Variants in VNN2 observed in about 807,000 individuals in gnomAD.
The protein encoded by VNN2 is pantetheine hydrolase VNN2.
Under a neutral mutation model 43.0 loss-of-function variants are expected in VNN2, and 43 were observed. The observed-to-expected ratio is 1.00, with a 90% CI of 0.78 to 1.29. The LOEUF (loss-of-function observed/expected upper bound fraction) is 1.29, where lower values mean the gene tolerates loss of function less well. Ranked by LOEUF, VNN2 falls within the 50% of genes most tolerant of loss-of-function variation. The pLI, the probability that VNN2 is intolerant of heterozygous loss-of-function variation, is 0.00. For synonymous variants in VNN2, 230 were observed against 224.3 expected, an observed-to-expected ratio of 1.03 and a Z score of -0.23; for missense variants, 652 against 619.7, an observed-to-expected ratio of 1.05 and a Z score of -0.55.
At chr6:132,758,841 A>G (rs1179924543), upstream of VNN2, among the ~76,000 whole-genome samples, 1 of 152,162 alleles carries the variant, frequency 6.6e-6, no homozygotes, top group Non-Finnish European at 1.5e-5. Flanking sequence ...CTACAGCAAC[A>G]ATACCCCGAG....
At chr6:132,757,313 A>T in intron 2 of VNN2, 103 bp downstream of exon 2, 2 of 1,381,458 alleles carry the variant, frequency 1.4e-6, no homozygotes, top group Non-Finnish European at 1.9e-6. Flanking sequence ...TAACCATAAC[A>T]TATACCACAT....
Position 132,744,362 on chromosome 6 carries a change from T to A in VNN2, c.1501A>T (p.Thr501Ser). 1 of 1,613,146 alleles carries A rather than the reference T, an allele frequency of 6.2e-7. No homozygotes were observed. Among genetic ancestry groups the A allele is most frequent in the Non-Finnish European group, 8.5e-7 (1 of 1,179,746 alleles). ...SSCGTSNSAI[T>S]YLLIFILLMI... ...AATAATATGAATATTAGCAGGTAAGTTATTGCTGAATTGCTGGTCCCACAT... is the reference window on the plus strand; with the variant it reads ...AATAATATGAATATTAGCAGGTAAGATATTGCTGAATTGCTGGTCCCACAT... The change falls in exon 7 of 7, where the codon ACT (threonine) becomes TCT (serine). Residue 501 changes from threonine to serine, a missense_variant. Coordinates refer to ENST00000326499, the MANE Select transcript of VNN2 (RefSeq NM_004665.6).
rs191217266 is a variant in VNN2 at position 132,747,068 on chromosome 6, T to C, written c.1372-2577A>G. 1.3e-3 allele frequency among the ~76,000 whole-genome samples: 199 copies of C among 152,264 alleles called. 1 individual carries two copies. Among genetic ancestry groups the C allele is most frequent in the South Asian group, 2.1e-3 (10 of 4,816 alleles). ...TCATTTCCTTCTTCTGCAAATGGTCTGGAGCAGGTAAGACAAGATCCAAAT... is the reference window on the plus strand; with the variant it reads ...TCATTTCCTTCTTCTGCAAATGGTCCGGAGCAGGTAAGACAAGATCCAAAT... On this transcript the variant is annotated intron_variant, in intron 6 of 6. Coordinates refer to ENST00000326499, the MANE Select transcript of VNN2 (RefSeq NM_004665.6).
At chr6:132,751,008 G>A (rs1039415945) in intron 5 of VNN2, 137 bp downstream of exon 5, 5 of 992,170 alleles carry the variant, frequency 5.0e-6, no homozygotes, top group East Asian at 2.4e-5. Flanking sequence ...GTGTGTGTGT[G>A]TGTTGTGTGT....
chr6:132,751,101 A>G, intron 5 of VNN2, 44 bp downstream of exon 5: 1 of 1,532,536 alleles, frequency 6.5e-7, no homozygotes, highest in Admixed American at 2.2e-5. Flanking sequence ...TTAACCTGGA[A>G]TTTACCTTTC....
chr6:132,760,708 G>A (rs902572376), upstream of VNN2: 14 of 152,014 alleles, frequency 9.2e-5, no homozygotes, highest in African/African-American at 2.9e-4. Flanking sequence ...AAGCTGATGA[G>A]GAGGAGTTAA....
At chr6:132,759,438 CAAAAAAAAAAAAA>C (rs58195059), upstream of VNN2, among the ~76,000 whole-genome samples, 1 of 69,174 alleles carries the variant, frequency 1.4e-5, no homozygotes, top group African/African-American at 4.9e-5. Flanking sequence ...AACTCCGTCT[CAAAAAAAAAAAAA>C]AAAAAAAAAA....
chr6:132,751,803 G>T lies in VNN2; in HGVS notation c.827-285C>A, dbSNP rs534461792. On this transcript the variant is annotated intron_variant, in intron 4 of 6. Transcript: ENST00000326499. ...CAACTACAAAAATCTTTGTAGTCAG[G>T]AGTTCCTGAAAGGTGGGGAAAGGGA... Among the ~76,000 whole-genome samples, 7 of 152,302 alleles carry T rather than the reference G, an allele frequency of 4.6e-5. No homozygotes were observed. In the East Asian group the frequency reaches 9.6e-4, roughly 21 times the overall value.
chr6:132,747,130 A>G (rs550780876), intron 6 of VNN2, among the ~76,000 whole-genome samples: 3 of 152,172 alleles, frequency 2.0e-5, no homozygotes, highest in Non-Finnish European at 4.4e-5. Context: ...GGTAGGTGCT[A>G]TGCCCCCTTC....
intron 1 of VNN2, among the ~76,000 whole-genome samples, chr6:132,763,035 C>A (rs1780773558): frequency 6.6e-6 from 1 of 152,120 alleles, no homozygotes; most frequent in Non-Finnish European, 1.5e-5. Flanking sequence ...CTTGCATTCA[C>A]CAGCCGGTCC....
At chr6:132,754,270 T>A (rs1780320819) in intron 3 of VNN2, among the ~76,000 whole-genome samples, 1 of 152,216 alleles carries the variant, frequency 6.6e-6, no homozygotes, top group Admixed American at 6.5e-5. Flanking sequence ...TTTCTATTTT[T>A]ACTATGAGAC....
In VNN2 at chr6:132,755,750, T is replaced by C. The variant is rs1014835235; in HGVS notation, c.537+93A>G. 7.1e-6 allele frequency: 9 copies of C among 1,265,516 alleles called. No homozygotes were observed. The South Asian group carries it at 1.2e-4, about 17-fold the overall frequency. 78.4% of individuals were successfully genotyped at this position (1,265,516 alleles called of 1,614,324 possible). On this transcript the variant is annotated intron_variant, in intron 3 of 6. Coordinates refer to ENST00000326499, the MANE Select transcript of VNN2 (RefSeq NM_004665.6). Reference sequence around the variant, plus strand: ...AAAACAAAAAAACCCTCTAGTAATATTGTATCATATAGGGAATGAAATTCA... The same window carrying C: ...AAAACAAAAAAACCCTCTAGTAATACTGTATCATATAGGGAATGAAATTCA...
At chr6:132,758,280 T>C (rs186641568), upstream of VNN2, among the ~76,000 whole-genome samples, 121 of 152,130 alleles carry the variant, frequency 8.0e-4, no homozygotes, top group Non-Finnish European at 1.3e-3. Context: ...CCTGATCTTG[T>C]GATCCATCCA....
rs1234508396 is a variant in VNN2 at position 132,755,825 on chromosome 6, T to C, written c.537+18A>G. Reference sequence around the variant, plus strand: ...CTCACAACACGCTCCATTTTACACGTCCGTCACTCTCTCTTACCTTATGGT... The same window carrying C: ...CTCACAACACGCTCCATTTTACACGCCCGTCACTCTCTCTTACCTTATGGT... On this transcript the variant is annotated intron_variant, in intron 3 of 6. Transcript: ENST00000326499. 6.3e-7 allele frequency: 1 copy of C among 1,594,022 alleles called. No homozygotes were observed. The highest frequency in any genetic ancestry group is 1.3e-5 in the African/African-American group (1 of 74,740).
chr6:132,755,375 TTTTTTTTC>T (rs1401686456), intron 3 of VNN2, among the ~76,000 whole-genome samples: 2 of 106,142 alleles, frequency 1.9e-5, no homozygotes, highest in South Asian at 2.8e-4. Flanking sequence ...TTTCTTTTTC[TTTTTTTTC>T]TTTTTTTTTT....
intron 6 of VNN2, among the ~76,000 whole-genome samples, chr6:132,748,491 A>G (rs930135817): frequency 6.6e-6 from 1 of 152,234 alleles, no homozygotes; most frequent in Non-Finnish European, 1.5e-5. Context: ...ACCATAAGCA[A>G]TCTGCAATTT....
At chr6:132,756,632 A>G (rs1477438219) in intron 2 of VNN2, among the ~76,000 whole-genome samples, 1 of 151,788 alleles carries the variant, frequency 6.6e-6, no homozygotes, top group East Asian at 1.9e-4. Flanking sequence ...CCACCCTCTC[A>G]TTTTCCTATT....
At chr6:132,752,011 C>T (rs544051171) in intron 4 of VNN2, among the ~76,000 whole-genome samples, 17 of 152,252 alleles carry the variant, frequency 1.1e-4, no homozygotes, top group Admixed American at 4.6e-4. Context: ...TCATAAATAG[C>T]AATGTGGCTT....
chr6:132,747,349 G>T (rs1779779502), intron 6 of VNN2, among the ~76,000 whole-genome samples: 1 of 152,096 alleles, frequency 6.6e-6, no homozygotes, highest in Admixed American at 6.5e-5. Flanking sequence ...CAGGCATGGT[G>T]GCTCATGCCT....
Sources: allele counts gnomAD v4.1 joint callset (sites outside exome capture counted in the v4.1 genomes callset), GRCh38; gene constraint gnomAD v4.1.1; transcripts MANE v1.5; gene names NCBI Gene and HGNC (gene_info 2026-07-23, HGNC 2026-07-21).